Variants in PTN observed in about 807,000 individuals in gnomAD.
PTN encodes the protein heparin affin regulatory protein.
A neutral mutation model predicts 24.1 loss-of-function variants in PTN; 18 were observed. The observed-to-expected ratio is 0.75, with a 90% confidence interval of 0.52 to 1.11. The LOEUF (loss-of-function observed/expected upper bound fraction) is 1.11, where lower values mean the gene tolerates loss of function less well. PTN is among the 50% of genes least tolerant of loss of function. The pLI is 0.00. For synonymous variants in PTN, 78 were observed against 68.6 expected, an observed-to-expected ratio of 1.14 and a Z score of -0.67; for missense variants, 163 against 198.8, an observed-to-expected ratio of 0.82 and a Z score of 1.08.
intron 1 of PTN, among the ~76,000 whole-genome samples, chr7:137,300,049 C>T (rs1809782185): frequency 6.6e-6 from 1 of 151,242 alleles, no homozygotes; most frequent in South Asian, 2.1e-4. Flanking sequence ...TGGCTGCCCG[C>T]CATGGGAGCA....
intron 1 of PTN, among the ~76,000 whole-genome samples, chr7:137,281,657 T>TA (rs1294104154): frequency 6.6e-6 from 1 of 152,222 alleles, no homozygotes; most frequent in Non-Finnish European, 1.5e-5. Context: ...TCTTTAACAA[T>TA]AAAAAATTTC....
chr7:137,292,264 AATC>A (rs1292881977), intron 1 of PTN, among the ~76,000 whole-genome samples: 1 of 152,118 alleles, frequency 6.6e-6, no homozygotes, highest in Non-Finnish European at 1.5e-5. Context: ...TGCATACTTT[AATC>A]ATTTCTAGAT....
At chr7:137,259,562 A>T (rs2128872319) in intron 1 of PTN, among the ~76,000 whole-genome samples, 1 of 152,092 alleles carries the variant, frequency 6.6e-6, no homozygotes, top group East Asian at 1.9e-4. Context: ...TAGTTGCTGA[A>T]TAAAATTAGT....
chr7:137,306,340 G>A (rs1242793240), intron 1 of PTN, among the ~76,000 whole-genome samples: 1 of 152,028 alleles, frequency 6.6e-6, no homozygotes, highest in Non-Finnish European at 1.5e-5. Context: ...GCTTTCCCTG[G>A]TAAATCGGGT....
chr7:137,233,889 AACACACACAC>A (rs113401589), intron 4 of PTN, among the ~76,000 whole-genome samples: 1 of 147,560 alleles, frequency 6.8e-6, no homozygotes, highest in Non-Finnish European at 1.5e-5. Context: ...AAACCAAAGA[AACACACACAC>A]ACACACACAC....
At chr7:137,247,424 G>T (rs1808742907) in intron 4 of PTN, among the ~76,000 whole-genome samples, 1 of 152,184 alleles carries the variant, frequency 6.6e-6, no homozygotes, top group African/African-American at 2.4e-5. Flanking sequence ...CACAGAAAGA[G>T]AAACATTGCG....
At chr7:137,279,965 G>T (rs1809440063) in intron 1 of PTN, among the ~76,000 whole-genome samples, 1 of 152,140 alleles carries the variant, frequency 6.6e-6, no homozygotes. Flanking sequence ...TAAACTTATT[G>T]GACTTATCAA....
intron 1 of PTN, among the ~76,000 whole-genome samples, chr7:137,295,925 T>C (rs1194733145): frequency 6.6e-6 from 1 of 151,996 alleles, no homozygotes; most frequent in Non-Finnish European, 1.5e-5. Flanking sequence ...CTTTTTCTGC[T>C]TGAAAAGAAG....
At chr7:137,321,297 G>C (rs2128881180) in intron 1 of PTN, among the ~76,000 whole-genome samples, 1 of 152,280 alleles carries the variant, frequency 6.6e-6, no homozygotes, top group African/African-American at 2.4e-5. Flanking sequence ...GAATCAAAGA[G>C]ATGTTTGTTT....
intron 1 of PTN, among the ~76,000 whole-genome samples, chr7:137,278,285 C>T (rs1415279513): frequency 2.6e-5 from 3 of 116,258 alleles, no homozygotes; most frequent in African/African-American, 7.1e-5. Flanking sequence ...CCAGCCTGGG[C>T]GACAGAGCGA....
chr7:137,313,092 T>A (rs1026381712), intron 1 of PTN, among the ~76,000 whole-genome samples: 4 of 151,424 alleles, frequency 2.6e-5, no homozygotes, highest in Non-Finnish European at 5.9e-5. Context: ...CTCTCATTCA[T>A]CTTGCTGAAA....
At position 137,297,300 on chromosome 7, in the gene PTN, G is replaced by C. The variant is rs544272886; in HGVS notation, c.-1-42326C>G. 1.7e-4 allele frequency among the ~76,000 whole-genome samples: 26 copies of C among 152,236 alleles called. No individual in the cohort carries two copies. In the East Asian group the frequency reaches 1.7e-3, roughly 10 times the overall value. ...ATAGGCCATTGCATACGTGGAGGTG[G>C]CGAAGCCACTGTGGATATCTAAGAC... On this transcript the variant is annotated intron_variant, in intron 1 of 4. Transcript: ENST00000348225.
At chr7:137,294,337 AC>A (rs1379725232) in intron 1 of PTN, among the ~76,000 whole-genome samples, 1 of 152,124 alleles carries the variant, frequency 6.6e-6, no homozygotes, top group African/African-American at 2.4e-5. Context: ...CTCCAGGTGA[AC>A]ACAAGCCCAC....
At chr7:137,292,506 C>A (rs1809654365) in intron 1 of PTN, among the ~76,000 whole-genome samples, 1 of 152,124 alleles carries the variant, frequency 6.6e-6, no homozygotes, top group South Asian at 2.1e-4. Flanking sequence ...GTAAGACGTC[C>A]CTTTGCTCTT....
intron 1 of PTN, among the ~76,000 whole-genome samples, chr7:137,341,413 C>A (rs1050469665): frequency 1.3e-5 from 2 of 151,708 alleles, no homozygotes; most frequent in East Asian, 3.9e-4. Context: ...TAAATTAATA[C>A]GTTTATTAAA....
At chr7:137,245,899 C>A (rs1808714501) in intron 4 of PTN, among the ~76,000 whole-genome samples, 1 of 152,140 alleles carries the variant, frequency 6.6e-6, no homozygotes, top group Non-Finnish European at 1.5e-5. Context: ...TGTTTTTGAA[C>A]TTTAAGTCTT....
intron 1 of PTN, among the ~76,000 whole-genome samples, chr7:137,278,340 G>GAAAAAAAAAA (rs1554466606): frequency 1.0e-4 from 10 of 97,328 alleles, no homozygotes; most frequent in Non-Finnish European, 1.9e-4. Context: ...AAAAAAAAAT[G>GAAAAAAAAAA]ACTACTAATC....
intron 1 of PTN, among the ~76,000 whole-genome samples, chr7:137,301,281 C>G (rs1809801273): frequency 6.6e-6 from 1 of 151,910 alleles, no homozygotes; most frequent in Non-Finnish European, 1.5e-5. Flanking sequence ...CCTAAGTGAC[C>G]AGGTGCAACC....
Sources: allele counts gnomAD v4.1 joint callset (sites outside exome capture counted in the v4.1 genomes callset), GRCh38; gene constraint gnomAD v4.1.1; transcripts MANE v1.5; gene names NCBI Gene and HGNC (gene_info 2026-07-23, HGNC 2026-07-21).